PIK3C2G: variants seen among roughly 807,000 people sequenced by gnomAD.
PIK3C2G encodes phosphatidylinositol 3-kinase C2 domain-containing subunit gamma.
Under a neutral mutation model 181.1 loss-of-function variants are expected in PIK3C2G, and 168 were observed. The ratio of observed to expected loss-of-function variants is 0.93; its 90% CI spans 0.82 to 1.05. PIK3C2G has a LOEUF of 1.05. Among genes scored for constraint, PIK3C2G ranks in the 50% least tolerant of loss-of-function variants. The pLI is 0.00. For missense variants in PIK3C2G, 1,869 were observed against 1,732.8 expected (o/e 1.08, Z -1.40); for synonymous variants, 573 against 592.2 (o/e 0.97, Z 0.47).
At chr12:18,265,951 T>G (rs1591778227) in intron 1 of PIK3C2G, among the ~76,000 whole-genome samples, 2 of 140,676 alleles carry the variant, frequency 1.4e-5, no homozygotes, top group Non-Finnish European at 3.0e-5. Context: ...GAGGCAGAGG[T>G]TGCAGTGAGC....
rs949887799 is a variant in PIK3C2G at position 18,612,623 on chromosome 12, A to C, written c.4182+2994A>C. On this transcript the variant is annotated intron_variant, in intron 31 of 32. Transcript: ENST00000538779. ...CTTCTGCTTAAAACAACTTTCTACT[A>C]TAAATGACATAAAAATCCATCTATA... Among the ~76,000 whole-genome samples the C allele has an allele frequency of 1.2e-4, 19 of 152,240 alleles. No individual in the cohort carries two copies. In the East Asian group the frequency reaches 3.3e-3, roughly 26 times the overall value.
At chr12:18,404,100 G>A (rs1944392856) in intron 16 of PIK3C2G, among the ~76,000 whole-genome samples, 1 of 152,062 alleles carries the variant, frequency 6.6e-6, no homozygotes, top group African/African-American at 2.4e-5. Context: ...ACAGAACAGT[G>A]CCTTAGCTTC....
rs367550750 is a variant in PIK3C2G at position 18,269,912 on chromosome 12, C to CTTTT, written c.-79+8347_-79+8350dup. Among the ~76,000 whole-genome samples the CTTTT allele has an allele frequency of 3.7e-4, 50 of 136,924 alleles. 6 individuals are homozygous for CTTTT. Among genetic ancestry groups the CTTTT allele is most frequent in the Admixed American group, 3.7e-4 (5 of 13,472 alleles). 89.8% of individuals were successfully genotyped at this position (136,924 alleles called of 152,430 possible). A position where few individuals can be genotyped will look rare whatever the true frequency, so the allele number is the denominator to read the frequency against. Reference sequence around the variant, plus strand: ...ACCCTTTTTTCTTTTTTTTTCTTTTCTTTTTTTTTTTTTTTGAGATGGCAT... The same window carrying CTTTT: ...ACCCTTTTTTCTTTTTTTTTCTTTTCTTTTTTTTTTTTTTTTTTTGAGATGGCAT... On this transcript the variant is annotated intron_variant, in intron 1 of 32. Transcript: ENST00000538779.
the PIK3C2G span, chr12:18,695,001 T>A: frequency 6.2e-7 from 1 of 1,611,276 alleles, no homozygotes. Flanking sequence ...TTTCAAAATA[T>A]ATCCAGAACC....
chr12:18,382,826 T>C (rs1190330992), intron 14 of PIK3C2G, among the ~76,000 whole-genome samples: 4 of 152,250 alleles, frequency 2.6e-5, no homozygotes, highest in East Asian at 1.9e-4. Context: ...GGCTCTTAAG[T>C]TTCCAGGCTT....
chr12:18,496,925 T>C (rs1286138939), intron 21 of PIK3C2G, among the ~76,000 whole-genome samples: 4 of 152,172 alleles, frequency 2.6e-5, no homozygotes, highest in African/African-American at 9.7e-5. Context: ...CAAAATCTTA[T>C]CTTGGCAGGA....
At chr12:18,425,342 AG>A (rs2135725933) in intron 18 of PIK3C2G, among the ~76,000 whole-genome samples, 1 of 151,110 alleles carries the variant, frequency 6.6e-6, no homozygotes, top group Admixed American at 6.6e-5. Flanking sequence ...GAAGTAAAGA[AG>A]GAAATGGGTT....
intron 8 of PIK3C2G, 110 bp from the exon 9 acceptor site, chr12:18,338,316 G>C: frequency 6.1e-6 from 5 of 813,088 alleles, no homozygotes; most frequent in Non-Finnish European, 9.7e-6. Flanking sequence ...AAGCAAACAA[G>C]CATATTTTAT....
chr12:18,415,356 C>T lies in PIK3C2G; in HGVS notation c.2316-5585C>T, dbSNP rs183663095. Among the ~76,000 whole-genome samples, 140 of 152,262 alleles carry T rather than the reference C, an allele frequency of 9.2e-4. No homozygotes were observed. In the Middle Eastern group the frequency reaches 0.01, roughly 11 times the overall value. On this transcript the variant is annotated intron_variant, in intron 16 of 32. Coordinates refer to ENST00000538779, the MANE Select transcript of PIK3C2G (RefSeq NM_001288772.2). ...CTGTGATCAGCGATTGCTGATGTTACTATTGCAATTGTTTTGAGGCACCAC... is the reference window on the plus strand; with the variant it reads ...CTGTGATCAGCGATTGCTGATGTTATTATTGCAATTGTTTTGAGGCACCAC...
chr12:18,470,043 A>G (rs1278693631), intron 18 of PIK3C2G, among the ~76,000 whole-genome samples: 1 of 151,602 alleles, frequency 6.6e-6, no homozygotes, highest in Non-Finnish European at 1.5e-5. Context: ...TTTCTTTATC[A>G]CATTTTGCTA....
At chr12:18,656,305 C>T in the PIK3C2G span, among the ~76,000 whole-genome samples, 1 of 152,004 alleles carries the variant, frequency 6.6e-6, no homozygotes, top group South Asian at 2.1e-4. Context: ...TGGCTGGGCG[C>T]AGTGGGTCAC....
chr12:18,520,260 G>A (rs1942828797), intron 24 of PIK3C2G, among the ~76,000 whole-genome samples: 1 of 151,950 alleles, frequency 6.6e-6, no homozygotes, highest in African/African-American at 2.4e-5. Context: ...TTGAATATTG[G>A]CCTGTCTTGC....
At chr12:18,620,438 T>G (rs1474501508) in intron 31 of PIK3C2G, among the ~76,000 whole-genome samples, 1 of 152,136 alleles carries the variant, frequency 6.6e-6, no homozygotes, top group Non-Finnish European at 1.5e-5. Context: ...GGTATAGCTT[T>G]TCTATTCTTT....
Position 18,569,254 on chromosome 12 carries a change from A to G in PIK3C2G, c.4011+2197A>G, listed in dbSNP as rs904640960. 1.9e-4 allele frequency among the ~76,000 whole-genome samples: 29 copies of G among 152,184 alleles called. 1 individual carries two copies. The highest frequency in any genetic ancestry group is 3.4e-3 in the Middle Eastern group (1 of 294). ...AGTCTGCCCGGCAGAGAAACCAAAA[A>G]GATCAAATCCGAAGAGAGATATCTA... On this transcript the variant is annotated intron_variant, in intron 29 of 32. Coordinates refer to ENST00000538779, the MANE Select transcript of PIK3C2G (RefSeq NM_001288772.2).
At chr12:18,600,302 C>T (rs77192593) in intron 30 of PIK3C2G, among the ~76,000 whole-genome samples, 1,883 of 151,788 alleles carry the variant, frequency 0.012, 49 homozygotes, top group African/African-American at 0.043. Context: ...AAAAAAAAAT[C>T]TTTTGAAGAA....
chr12:18,617,534 A>G (rs375634136), intron 31 of PIK3C2G, among the ~76,000 whole-genome samples: 2 of 152,170 alleles, frequency 1.3e-5, no homozygotes, highest in Non-Finnish European at 2.9e-5. Context: ...CCAAGATCTC[A>G]TAACTAAGGG....
intron 13 of PIK3C2G, among the ~76,000 whole-genome samples, chr12:18,379,807 C>G (rs1430892987): frequency 6.6e-6 from 1 of 152,156 alleles, no homozygotes; most frequent in Non-Finnish European, 1.5e-5. Context: ...GCCAACGACT[C>G]CCAGTTGGCC....
intron 18 of PIK3C2G, among the ~76,000 whole-genome samples, chr12:18,455,011 A>G (rs1392819105): frequency 1.3e-5 from 2 of 152,196 alleles, no homozygotes; most frequent in African/African-American, 4.8e-5. Context: ...ATCTACCCTC[A>G]TCTCAAGATT....
At chr12:18,694,377 A>T in the PIK3C2G span, among the ~76,000 whole-genome samples, 1 of 152,188 alleles carries the variant, frequency 6.6e-6, no homozygotes, top group East Asian at 1.9e-4. Context: ...GTTAAAGTTG[A>T]CACAAATTAA....
Sources: gnomAD v4.1 joint callset for allele counts (sites outside exome capture counted in the v4.1 genomes callset) on GRCh38, gnomAD v4.1.1 for gene constraint, MANE v1.5 for transcripts, NCBI Gene and HGNC (gene_info 2026-07-23, HGNC 2026-07-21) for gene names.